Variants in GALNT17 observed in about 807,000 individuals in gnomAD.
The protein encoded by GALNT17 is UDP-GalNAc:polypeptide N-acetylgalactosaminyltransferase-like 3.
Under a neutral mutation model 63.7 loss-of-function variants are expected in GALNT17, and 29 were observed. The observed-to-expected ratio is 0.46, with a 90% CI of 0.34 to 0.62. The LOEUF (loss-of-function observed/expected upper bound fraction) is 0.62, where lower values mean the gene tolerates loss of function less well. Among genes scored for constraint, GALNT17 ranks in the 20% least tolerant of loss-of-function variants. The probability of loss-of-function intolerance (pLI) is 0.01; values close to 1 mark genes in which losing one functional copy is unlikely to be tolerated. For missense variants in GALNT17, 603 were observed against 799.6 expected (o/e 0.75, Z 2.97); for synonymous variants, 305 against 318.3 (o/e 0.96, Z 0.45).
At chr7:71,361,454 C>G (rs986936370) in intron 2 of GALNT17, among the ~76,000 whole-genome samples, 2 of 152,126 alleles carry the variant, frequency 1.3e-5, no homozygotes, top group Non-Finnish European at 2.9e-5. Context: ...CCTCTCTGTT[C>G]TTTCTCACTA....
At chr7:71,407,649 G>C (rs1793353015) in intron 3 of GALNT17, among the ~76,000 whole-genome samples, 1 of 152,132 alleles carries the variant, frequency 6.6e-6, no homozygotes. Context: ...TCAGGAAGCT[G>C]AGGCAGGAGG....
At chr7:71,454,239 A>G (rs750485263) in intron 5 of GALNT17, among the ~76,000 whole-genome samples, 12 of 152,108 alleles carry the variant, frequency 7.9e-5, no homozygotes, top group Non-Finnish European at 1.2e-4. Context: ...GACTCCACCA[A>G]CAGGCCCCAG....
intron 6 of GALNT17, among the ~76,000 whole-genome samples, chr7:71,634,060 C>T (rs538355514): frequency 6.6e-5 from 10 of 152,310 alleles, no homozygotes; most frequent in Non-Finnish European, 1.5e-4. Flanking sequence ...AAGAACCCCT[C>T]GGGCAGTGAC....
intron 5 of GALNT17, among the ~76,000 whole-genome samples, chr7:71,445,696 T>C (rs996950020): frequency 4.6e-5 from 7 of 152,216 alleles, no homozygotes; most frequent in Non-Finnish European, 1.0e-4. Flanking sequence ...TCCTGGAGAC[T>C]GGAGACTGTC....
intron 5 of GALNT17, among the ~76,000 whole-genome samples, chr7:71,441,009 T>G (rs1311693315): frequency 7.0e-6 from 1 of 143,632 alleles, no homozygotes; most frequent in African/African-American, 2.5e-5. Context: ...TCAGTTTTTT[T>G]GTTGTTGTTC....
In GALNT17 at chr7:71,622,478, C is replaced by G. The variant is rs1033365177; in HGVS notation, c.1081-42933C>G. On this transcript the variant is annotated intron_variant, in intron 6 of 10. Transcript: ENST00000333538. ...CCTGACCTGCAAGCCCTCTGGGTGT[C>G]TGTCTTCACTCTCACTGGTGTCTCT... 1.8e-4 allele frequency among the ~76,000 whole-genome samples: 27 copies of G among 152,194 alleles called. 1 individual carries two copies. The highest frequency in any genetic ancestry group is 6.5e-5 in the Admixed American group (1 of 15,286).
chr7:71,231,988 C>T (rs943088559), intron 1 of GALNT17, among the ~76,000 whole-genome samples: 1 of 152,090 alleles, frequency 6.6e-6, no homozygotes, highest in African/African-American at 2.4e-5. Flanking sequence ...TTCTCAGTGG[C>T]TCCTCTCCCT....
chr7:71,377,130 T>C (rs1463860096), intron 2 of GALNT17, among the ~76,000 whole-genome samples: 1 of 117,452 alleles, frequency 8.5e-6, no homozygotes, highest in Non-Finnish European at 1.7e-5. Context: ...TATATATATA[T>C]ATATATATAT....
intron 6 of GALNT17, among the ~76,000 whole-genome samples, chr7:71,616,533 TAATATA>T (rs1790206342): frequency 6.8e-6 from 1 of 146,862 alleles, no homozygotes; most frequent in African/African-American, 2.5e-5. Context: ...ACATTATATG[TAATATA>T]AATATATAAT....
At chr7:71,578,907 A>G (rs1418605799) in intron 6 of GALNT17, among the ~76,000 whole-genome samples, 1 of 152,064 alleles carries the variant, frequency 6.6e-6, no homozygotes, top group Non-Finnish European at 1.5e-5. Context: ...GGCATCAGGA[A>G]CCCTGATGTC....
chr7:71,158,637 C>A (rs981150610), intron 1 of GALNT17, among the ~76,000 whole-genome samples: 4 of 151,634 alleles, frequency 2.6e-5, no homozygotes, highest in Non-Finnish European at 5.9e-5. Flanking sequence ...AGTGCAGTGG[C>A]ACAATCTTGG....
At chr7:71,258,057 G>A (rs767564741) in intron 1 of GALNT17, among the ~76,000 whole-genome samples, 25 of 152,290 alleles carry the variant, frequency 1.6e-4, no homozygotes, top group Admixed American at 2.6e-4. Context: ...ATTGAGACGG[G>A]ATGGATCAGG....
At chr7:71,493,814 T>C (rs1008386243) in intron 5 of GALNT17, among the ~76,000 whole-genome samples, 1 of 152,206 alleles carries the variant, frequency 6.6e-6, no homozygotes, top group African/African-American at 2.4e-5. Context: ...CTTGCCTGTC[T>C]TTACCTGTCC....
At chr7:71,399,755 CT>C (rs1428278516) in intron 3 of GALNT17, among the ~76,000 whole-genome samples, 1 of 151,690 alleles carries the variant, frequency 6.6e-6, no homozygotes. Context: ...ATATGAAAGG[CT>C]TTTTTTTCTC....
chr7:71,241,717 G>A (rs1790000201), intron 1 of GALNT17, among the ~76,000 whole-genome samples: 1 of 151,960 alleles, frequency 6.6e-6, no homozygotes, highest in African/African-American at 2.4e-5. Flanking sequence ...GGGAGACCTT[G>A]TCTGTACAAA....
intron 6 of GALNT17, among the ~76,000 whole-genome samples, chr7:71,580,717 T>C (rs950994040): frequency 4.6e-5 from 7 of 151,672 alleles, no homozygotes; most frequent in Non-Finnish European, 1.0e-4. Context: ...GAAGTGGGAG[T>C]CCAGGCTGAG....
At chr7:71,623,768 G>T (rs1202821822) in intron 6 of GALNT17, among the ~76,000 whole-genome samples, 2 of 152,158 alleles carry the variant, frequency 1.3e-5, no homozygotes, top group African/African-American at 4.8e-5. Context: ...TGGCATGAAG[G>T]TGCTTAGGAA....
At chr7:71,668,698 C>G (rs866865242) in intron 7 of GALNT17, among the ~76,000 whole-genome samples, 5 of 152,032 alleles carry the variant, frequency 3.3e-5, no homozygotes, top group Non-Finnish European at 7.4e-5. Context: ...GAAGTCTTCT[C>G]CCAGGCCCCC....
At chr7:71,680,868 T>C (rs2117076036) in intron 9 of GALNT17, among the ~76,000 whole-genome samples, 1 of 149,388 alleles carries the variant, frequency 6.7e-6, no homozygotes, top group African/African-American at 2.5e-5. Flanking sequence ...CTTTCCTTCC[T>C]TCCTTCCTTC....
Sources: allele counts gnomAD v4.1 joint callset (sites outside exome capture counted in the v4.1 genomes callset), GRCh38; gene constraint gnomAD v4.1.1; transcripts MANE v1.5; gene names NCBI Gene and HGNC (gene_info 2026-07-23, HGNC 2026-07-21).